MED12L: variants seen among roughly 807,000 people sequenced by gnomAD.
MED12L encodes mediator of RNA polymerase II transcription subunit 12-like protein.
MED12L carries 60 observed loss-of-function variants against 281.3 expected under a neutral mutation model. The ratio of observed to expected loss-of-function variants is 0.21; its 90% CI spans 0.17 to 0.26. The LOEUF (loss-of-function observed/expected upper bound fraction) is 0.26. Ranked by LOEUF, MED12L falls within the 10% of genes least tolerant of loss-of-function variation. The pLI is 1.00. For missense variants in MED12L, 2,146 were observed against 2,680.9 expected (o/e 0.80, Z 4.41); for synonymous variants, 974 against 987.2 (o/e 0.99, Z 0.25).
At chr3:151,237,224 G>A (rs528845583) in intron 16 of MED12L, among the ~76,000 whole-genome samples, 1 of 151,184 alleles carries the variant, frequency 6.6e-6, no homozygotes, top group South Asian at 2.1e-4. Context: ...ATTTTTAGTA[G>A]AGACGGGGTT....
In MED12L at chr3:151,334,192, C is replaced by CTTTTT. The variant is rs71848482; in HGVS notation, c.2251-15864_2251-15863insTTTTT. On this transcript the variant is annotated intron_variant, in intron 16 of 44. Transcript: ENST00000687756. ...GATGTTATGTGTTTTTTCTTTCTTTCTTTCTTTTTTTTTTTGCCATTTCTA... is the reference window on the plus strand; with the variant it reads ...GATGTTATGTGTTTTTTCTTTCTTTCTTTTTTTTCTTTTTTTTTTTGCCATTTCTA... 7.3e-3 allele frequency among the ~76,000 whole-genome samples: 730 copies of CTTTTT among 99,368 alleles called. 61 individuals carry two copies. The highest frequency in any genetic ancestry group is 0.026 in the African/African-American group (648 of 25,116). The allele number at this position is 99,368 out of a possible 152,430, so 65.2% of individuals were successfully genotyped here. A position where few individuals can be genotyped will look rare whatever the true frequency, so the allele number is the denominator to read the frequency against.
At position 151,432,827 on chromosome 3, in the gene MED12L, A is replaced by G; in HGVS notation, c.*23A>G. On this transcript the variant is annotated 3_prime_UTR_variant, in exon 45 of 45. Coordinates refer to ENST00000687756, the MANE Select transcript of MED12L (RefSeq NM_001393769.1). ...TGAATCTGCAAGAGGAGAAGACATGACGTTTTATGTTTGCACTGAAAAACA... is the reference window on the plus strand; with the variant it reads ...TGAATCTGCAAGAGGAGAAGACATGGCGTTTTATGTTTGCACTGAAAAACA... 6 of 1,598,598 alleles carry G rather than the reference A, an allele frequency of 3.8e-6. No individual in the cohort carries two copies. The highest frequency in any genetic ancestry group is 5.1e-6 in the Non-Finnish European group (6 of 1,168,230).
chr3:151,436,621 C>T lies in MED12L; in HGVS notation c.*3817C>T. On this transcript the variant is annotated 3_prime_UTR_variant, in exon 45 of 45. Coordinates refer to ENST00000687756, the MANE Select transcript of MED12L (RefSeq NM_001393769.1). ...TTCAAATTCATTTACATGCCTATGG[C>T]TGCCTTTGATTAAACTTCTTCCAAA... 1 of 1,088,220 alleles carries T rather than the reference C, an allele frequency of 9.2e-7. No homozygotes were observed. The highest frequency in any genetic ancestry group is 1.3e-6 in the Non-Finnish European group (1 of 745,432). The allele number at this position is 1,088,220 out of a possible 1,614,324, so 67.4% of individuals were successfully genotyped here.
At chr3:151,149,741 A>G (rs1208399501) in intron 5 of MED12L, among the ~76,000 whole-genome samples, 1 of 152,238 alleles carries the variant, frequency 6.6e-6, no homozygotes, top group African/African-American at 2.4e-5. Flanking sequence ...CTACTGTTTC[A>G]TCAACGAAGT....
intron 7 of MED12L, among the ~76,000 whole-genome samples, 197 bp from the exon 8 acceptor site, chr3:151,159,635 T>TC (rs1421335674): frequency 2.0e-5 from 3 of 152,220 alleles, no homozygotes; most frequent in East Asian, 3.8e-4. Flanking sequence ...TTTTTGCCTG[T>TC]TTCTTATTTT....
rs192680509 is a variant in MED12L, at chr3:151,418,372, C to A, written c.6408+1950C>A. Among the ~76,000 whole-genome samples the A allele has an allele frequency of 1.7e-3, 257 of 152,070 alleles. 2 individuals carry two copies. The highest frequency in any genetic ancestry group is 3.3e-3 in the East Asian group (17 of 5,182). ...TAATGCTCTTTATTGCATTGATTTT[C>A]TTTTTCCCCTGGTTCAGGATCATCA... On this transcript the variant is annotated intron_variant, in intron 43 of 44. Transcript: ENST00000687756.
At chr3:151,221,704 T>C (rs1475492359) in intron 16 of MED12L, among the ~76,000 whole-genome samples, 1 of 152,118 alleles carries the variant, frequency 6.6e-6, no homozygotes, top group South Asian at 2.1e-4. Context: ...TTTCAGAATA[T>C]GTGTGGAAAT....
At chr3:151,253,822 C>T (rs1418279873) in intron 16 of MED12L, among the ~76,000 whole-genome samples, 1 of 152,074 alleles carries the variant, frequency 6.6e-6, no homozygotes, top group Non-Finnish European at 1.5e-5. Flanking sequence ...TGTCCTTTTG[C>T]TGAGAGCAAT....
At chr3:151,198,654 G>T in intron 16 of MED12L, 1 of 1,614,024 alleles carries the variant, frequency 6.2e-7, no homozygotes, top group Non-Finnish European at 8.5e-7. Flanking sequence ...AGGGTATACG[G>T]GATTCGGACA....
chr3:151,413,372 A>C, intron 42 of MED12L, 77 bp downstream of exon 42: 1 of 1,492,166 alleles, frequency 6.7e-7, no homozygotes, highest in Non-Finnish European at 9.1e-7. Flanking sequence ...AAAAATGAAA[A>C]ACACTATAGT....
Position 151,299,383 on chromosome 3 carries a change from TTCTTTTCTTTTCTTTTCCCC to T in MED12L, c.2251-50673_2251-50654del, listed in dbSNP as rs1213368711. Among the ~76,000 whole-genome samples, 429 of 141,638 alleles carry T rather than the reference TTCTTTTCTTTTCTTTTCCCC, an allele frequency of 3.0e-3. 1 individual carries two copies. Among genetic ancestry groups the T allele is most frequent in the African/African-American group, 0.011 (417 of 37,868 alleles). 92.9% of individuals were successfully genotyped at this position (141,638 alleles called of 152,430 possible). A position where few individuals can be genotyped will look rare whatever the true frequency, so the allele number is the denominator to read the frequency against. On this transcript the variant is annotated intron_variant, in intron 16 of 44. Coordinates refer to ENST00000687756, the MANE Select transcript of MED12L (RefSeq NM_001393769.1). ...TTCTTTTCTTTTCTTTTCTTTTCTT[TTCTTTTCTTTTCTTTTCCCC>T]TCCCCTCCCCTCCCCTCCCCCTCCT...
chr3:151,230,570 CT>C (rs368433695), intron 16 of MED12L, among the ~76,000 whole-genome samples: 6,660 of 139,270 alleles, frequency 0.048, 398 homozygotes, highest in African/African-American at 0.15. Flanking sequence ...TTACTCCACG[CT>C]TTTTTTTTTT....
At chr3:151,285,512 A>G (rs1743369736) in intron 16 of MED12L, among the ~76,000 whole-genome samples, 1 of 151,760 alleles carries the variant, frequency 6.6e-6, no homozygotes, top group Non-Finnish European at 1.5e-5. Context: ...AGAATAATAC[A>G]GTGGTCTTTG....
chr3:151,113,998 G>T (rs1049065436), intron 2 of MED12L, among the ~76,000 whole-genome samples: 6 of 152,124 alleles, frequency 3.9e-5, no homozygotes, highest in African/African-American at 1.4e-4. Flanking sequence ...TACTCTGACG[G>T]CAAATCAAAG....
At chr3:151,341,973 A>G (rs1461017822) in intron 16 of MED12L, among the ~76,000 whole-genome samples, 1 of 152,088 alleles carries the variant, frequency 6.6e-6, no homozygotes, top group Non-Finnish European at 1.5e-5. Flanking sequence ...AATCCAGTCT[A>G]TCATTGTTGG....
chr3:151,120,242 A>G (rs12632494), intron 3 of MED12L, among the ~76,000 whole-genome samples: 10,178 of 151,732 alleles, frequency 0.067, 367 homozygotes, highest in South Asian at 0.1. Flanking sequence ...AAACAAAACG[A>G]AAAACCAAAA....
chr3:151,177,768 C>T (rs1722234984), intron 11 of MED12L, among the ~76,000 whole-genome samples: 1 of 152,102 alleles, frequency 6.6e-6, no homozygotes, highest in African/African-American at 2.4e-5. Flanking sequence ...GTTGGGATTA[C>T]AGGCATAAGC....
chr3:151,234,632 TTGAG>T (rs1350072927), intron 16 of MED12L, among the ~76,000 whole-genome samples: 4 of 152,190 alleles, frequency 2.6e-5, no homozygotes, highest in African/African-American at 9.7e-5. Context: ...GCTTAATGGG[TTGAG>T]TAAGTTCCCA....
At chr3:151,138,993 C>G (rs1716544734) in intron 5 of MED12L, among the ~76,000 whole-genome samples, 1 of 141,076 alleles carries the variant, frequency 7.1e-6, no homozygotes, top group South Asian at 2.2e-4. Flanking sequence ...ACCTACCTAC[C>G]TACCTACCTG....
Sources: allele counts gnomAD v4.1 joint callset (sites outside exome capture counted in the v4.1 genomes callset), GRCh38; gene constraint gnomAD v4.1.1; transcripts MANE v1.5; gene names NCBI Gene and HGNC (gene_info 2026-07-23, HGNC 2026-07-21).